The following CPNE4 variants were observed in gnomAD, a reference collection of about 807,000 sequenced individuals.
The protein encoded by CPNE4 is copine 4, also known as copine-4.
In CPNE4, 25 loss-of-function variants were observed where a neutral mutation model predicts 67.9. The ratio of observed to expected loss-of-function variants is 0.37; its 90% CI spans 0.27 to 0.51. CPNE4 has a LOEUF of 0.51. CPNE4 is among the 20% of genes least tolerant of loss of function. The probability of loss-of-function intolerance (pLI) is 0.93; values close to 1 mark genes in which losing one functional copy is unlikely to be tolerated. For synonymous variants in CPNE4, 242 were observed against 244.9 expected, an observed-to-expected ratio of 0.99 and a Z score of 0.11; for missense variants, 464 against 690.8, an observed-to-expected ratio of 0.67 and a Z score of 3.68.
chr3:131,930,477 T>G (rs748448582), intron 1 of CPNE4, among the ~76,000 whole-genome samples: 2 of 152,028 alleles, frequency 1.3e-5, no homozygotes, highest in Non-Finnish European at 2.9e-5. Flanking sequence ...GCCAAAGGAC[T>G]CATTTATTGG....
intron 1 of CPNE4, among the ~76,000 whole-genome samples, chr3:132,014,125 C>T (rs1234610030): frequency 6.6e-6 from 1 of 152,182 alleles, no homozygotes; most frequent in African/African-American, 2.4e-5. Flanking sequence ...CAGCTAAGCT[C>T]TAAGAGTGGC....
At chr3:131,719,989 G>T (rs1411998180) in intron 3 of CPNE4, among the ~76,000 whole-genome samples, 1 of 152,164 alleles carries the variant, frequency 6.6e-6, no homozygotes, top group East Asian at 1.9e-4. Flanking sequence ...TTGAGCTAGG[G>T]ATAGGGCTCT....
intron 2 of CPNE4, among the ~76,000 whole-genome samples, chr3:131,756,696 A>G (rs1034782568): frequency 4.6e-5 from 7 of 152,250 alleles, no homozygotes; most frequent in Admixed American, 2.6e-4. Flanking sequence ...TTAGCAATTC[A>G]AAAGCAAAGG....
At chr3:131,575,305 C>T (rs1048290025) in intron 9 of CPNE4, among the ~76,000 whole-genome samples, 175 bp from the exon 10 acceptor site, 2 of 152,088 alleles carry the variant, frequency 1.3e-5, no homozygotes, top group African/African-American at 4.8e-5. Flanking sequence ...AGAAGGAAAG[C>T]AATATTAATA....
chr3:131,542,244 A>C (rs72997268), intron 15 of CPNE4, among the ~76,000 whole-genome samples: 1 of 152,216 alleles, frequency 6.6e-6, no homozygotes, highest in Admixed American at 6.5e-5. Context: ...TAGAGATCCT[A>C]AATTATATGA....
At chr3:131,930,532 G>T (rs2071030265) in intron 1 of CPNE4, among the ~76,000 whole-genome samples, 1 of 152,124 alleles carries the variant, frequency 6.6e-6, no homozygotes, top group East Asian at 1.9e-4. Flanking sequence ...TAATAAATGT[G>T]AGAATATCTA....
At chr3:131,844,456 C>T (rs1160746241) in intron 2 of CPNE4, among the ~76,000 whole-genome samples, 6 of 151,986 alleles carry the variant, frequency 3.9e-5, no homozygotes, top group Non-Finnish European at 5.9e-5. Context: ...TCAGTAGAGA[C>T]GAGGTTTCAC....
chr3:132,004,850 G>A (rs1301662654), intron 1 of CPNE4, among the ~76,000 whole-genome samples: 1 of 152,024 alleles, frequency 6.6e-6, no homozygotes, highest in African/African-American at 2.4e-5. Flanking sequence ...TCTCATGTTA[G>A]TATAGCCATT....
Position 131,845,886 on chromosome 3 carries a change from C to T in CPNE4, c.180+59378G>A, listed in dbSNP as rs562968113. On this transcript the variant is annotated intron_variant, in intron 2 of 15. Coordinates refer to ENST00000429747, the MANE Select transcript of CPNE4 (RefSeq NM_130808.3). ...GATATTTACATGCTTTGTATTGTGACAGAAAACTAATCACGGTGAATTGAG... is the reference window on the plus strand; with the variant it reads ...GATATTTACATGCTTTGTATTGTGATAGAAAACTAATCACGGTGAATTGAG... Among the ~76,000 whole-genome samples the T allele has an allele frequency of 6.6e-5, 10 of 152,292 alleles. No individual in the cohort carries two copies. The East Asian group carries it at 1.7e-3, about 26-fold the overall frequency.
chr3:131,616,297 A>G (rs148201860), intron 7 of CPNE4, among the ~76,000 whole-genome samples: 21 of 152,344 alleles, frequency 1.4e-4, no homozygotes, highest in Non-Finnish European at 2.6e-4. Context: ...AATAAATGCG[A>G]ACCTCTGCTG....
chr3:131,916,359 A>AC (rs1186120473), intron 1 of CPNE4, among the ~76,000 whole-genome samples: 32 of 152,064 alleles, frequency 2.1e-4, no homozygotes, highest in South Asian at 1.7e-3. Flanking sequence ...AAAAAAAAAA[A>AC]AAAAAAACAG....
At chr3:131,636,515 G>A (rs1049035012) in intron 7 of CPNE4, among the ~76,000 whole-genome samples, 1 of 152,156 alleles carries the variant, frequency 6.6e-6, no homozygotes, top group Non-Finnish European at 1.5e-5. Flanking sequence ...GCTGAGCTCA[G>A]ACACTACTAT....
At chr3:131,796,891 A>T (rs569315093) in intron 2 of CPNE4, among the ~76,000 whole-genome samples, 2 of 152,344 alleles carry the variant, frequency 1.3e-5, no homozygotes, top group African/African-American at 4.8e-5. Flanking sequence ...TCATCTAATG[A>T]CGTTGGCAAG....
intron 3 of CPNE4, among the ~76,000 whole-genome samples, chr3:131,713,924 G>A (rs1388985320): frequency 6.6e-6 from 1 of 152,078 alleles, no homozygotes; most frequent in Non-Finnish European, 1.5e-5. Flanking sequence ...TACTTCCCAG[G>A]ATTTCTTATC....
chr3:131,596,032 T>C (rs1938823664), intron 7 of CPNE4, among the ~76,000 whole-genome samples: 1 of 152,186 alleles, frequency 6.6e-6, no homozygotes, highest in African/African-American at 2.4e-5. Context: ...TTAGTCATGT[T>C]AGATGAATAA....
chr3:131,832,399 T>C (rs2085409437), intron 2 of CPNE4, among the ~76,000 whole-genome samples: 1 of 152,016 alleles, frequency 6.6e-6, no homozygotes, highest in Admixed American at 6.5e-5. Flanking sequence ...TGGGGGACCA[T>C]TGCCTTTCTT....
At chr3:131,673,053 A>C (rs1328400309) in intron 6 of CPNE4, among the ~76,000 whole-genome samples, 1 of 152,050 alleles carries the variant, frequency 6.6e-6, no homozygotes, top group Non-Finnish European at 1.5e-5. Flanking sequence ...ATTCTTCCAC[A>C]TATTGATATC....
chr3:131,601,125 A>G (rs943333359), intron 7 of CPNE4, among the ~76,000 whole-genome samples: 2 of 152,162 alleles, frequency 1.3e-5, no homozygotes, highest in African/African-American at 2.4e-5. Flanking sequence ...TCAGAATTCA[A>G]TTCAAATCTC....
intron 2 of CPNE4, among the ~76,000 whole-genome samples, chr3:131,769,272 G>A (rs972729893): frequency 6.6e-6 from 1 of 152,128 alleles, no homozygotes; most frequent in Non-Finnish European, 1.5e-5. Flanking sequence ...ACTGGTGGTT[G>A]TTTCTCTCAA....
Sources: allele counts gnomAD v4.1 joint callset (sites outside exome capture counted in the v4.1 genomes callset), GRCh38; gene constraint gnomAD v4.1.1; transcripts MANE v1.5; gene names NCBI Gene and HGNC (gene_info 2026-07-23, HGNC 2026-07-21).